Variants in MAF observed in about 807,000 individuals in gnomAD.
The protein encoded by MAF is transcription factor Maf.
In MAF, 10 loss-of-function variants were observed where a neutral mutation model predicts 22.0. The observed-to-expected ratio is 0.45, with a 90% CI of 0.28 to 0.77. MAF has a LOEUF of 0.77. Ranked by LOEUF, MAF falls within the 30% of genes least tolerant of loss-of-function variation. The probability of loss-of-function intolerance (pLI) is 0.12; values close to 1 mark genes in which losing one functional copy is unlikely to be tolerated. For missense variants in MAF, 544 were observed against 548.4 expected (o/e 0.99, Z 0.08); for synonymous variants, 337 against 255.8 (o/e 1.32, Z -3.03).
chr16:79,329,632 C>T, the MAF span, among the ~76,000 whole-genome samples: 5 of 152,078 alleles, frequency 3.3e-5, no homozygotes, highest in African/African-American at 4.8e-5. Context: ...CGGTGTCTTC[C>T]CCCATCTGAA....
chr16:79,273,481 C>G, the MAF span, among the ~76,000 whole-genome samples: 10 of 152,180 alleles, frequency 6.6e-5, no homozygotes, highest in African/African-American at 9.6e-5. Flanking sequence ...TTCTAGAAGT[C>G]AGATGCACAA....
At chr16:79,453,698 A>T in the MAF span, among the ~76,000 whole-genome samples, 2 of 152,228 alleles carry the variant, frequency 1.3e-5, no homozygotes, top group Non-Finnish European at 2.9e-5. Flanking sequence ...TCACAAGTGA[A>T]TTAAGTAGCT....
chr16:79,379,501 GCACA>G, the MAF span, among the ~76,000 whole-genome samples: 5,056 of 149,488 alleles, frequency 0.034, 186 homozygotes, highest in African/African-American at 0.085. Flanking sequence ...TGGTGGAAGT[GCACA>G]CACACACACA....
intron 1 of MAF, 175 bp downstream of exon 1, chr16:79,598,601 TGTGTGTGTG>T: frequency 2.0e-6 from 3 of 1,484,088 alleles, no homozygotes; most frequent in South Asian, 1.3e-5. Context: ...TGTGTGTGTG[TGTGTGTGTG>T]GTGTGTGCGT....
At chr16:79,220,293 G>A in the MAF span, among the ~76,000 whole-genome samples, 1 of 149,644 alleles carries the variant, frequency 6.7e-6, no homozygotes, top group Non-Finnish European at 1.5e-5. Flanking sequence ...TAAAATGCAT[G>A]CCCAGCATTT....
the MAF span, among the ~76,000 whole-genome samples, chr16:79,393,998 T>C: frequency 6.6e-6 from 1 of 152,184 alleles, no homozygotes. Flanking sequence ...CCAAACACTC[T>C]GAAGAAGGTT....
At chr16:79,381,769 G>C in the MAF span, among the ~76,000 whole-genome samples, 1,035 of 152,272 alleles carry the variant, frequency 6.8e-3, 8 homozygotes, top group African/African-American at 0.023. Context: ...ATTTTGCTTT[G>C]ACAAAGACGG....
At chr16:79,433,783 G>A in the MAF span, among the ~76,000 whole-genome samples, 6,422 of 152,080 alleles carry the variant, frequency 0.042, 160 homozygotes, top group Middle Eastern at 0.075. Context: ...TTAGGCTAGC[G>A]GTGTTTTAAA....
chr16:79,542,222 G>A, the MAF span, among the ~76,000 whole-genome samples: 1 of 152,158 alleles, frequency 6.6e-6, no homozygotes, highest in Non-Finnish European at 1.5e-5. Context: ...TTGGAAGGAG[G>A]AGGAAACAGG....
At chr16:79,258,237 C>T in the MAF span, among the ~76,000 whole-genome samples, 1 of 152,172 alleles carries the variant, frequency 6.6e-6, no homozygotes, top group South Asian at 2.1e-4. Context: ...TCACCACAGT[C>T]CGGAAGTGCA....
chr16:79,223,575 C>G, the MAF span, among the ~76,000 whole-genome samples: 5 of 152,106 alleles, frequency 3.3e-5, no homozygotes, highest in Non-Finnish European at 7.4e-5. Context: ...AATCCAGAAA[C>G]TGGTTTTTTT....
intron 1 of MAF, chr16:79,595,975 T>A (rs946706072): frequency 3.8e-6 from 4 of 1,061,398 alleles, no homozygotes; most frequent in Non-Finnish European, 4.6e-6. Context: ...TTATGTTAAA[T>A]CTTGTCAGGC....
chr16:79,276,095 C>T, the MAF span, among the ~76,000 whole-genome samples: 7 of 151,582 alleles, frequency 4.6e-5, no homozygotes, highest in South Asian at 2.1e-4. Context: ...GAGCCGAGAT[C>T]GTGCCACTTC....
chr16:79,234,803 C>A, the MAF span, among the ~76,000 whole-genome samples: 3 of 152,110 alleles, frequency 2.0e-5, no homozygotes, highest in Non-Finnish European at 4.4e-5. Context: ...TGGGTAGGAT[C>A]TGATTCAGCC....
the MAF span, among the ~76,000 whole-genome samples, chr16:79,243,369 A>C: frequency 6.6e-6 from 1 of 152,098 alleles, no homozygotes; most frequent in African/African-American, 2.4e-5. Context: ...TGCAATAAAA[A>C]ATGAAAAAGG....
At chr16:79,354,382 T>C in the MAF span, among the ~76,000 whole-genome samples, 1 of 152,094 alleles carries the variant, frequency 6.6e-6, no homozygotes, top group East Asian at 1.9e-4. Flanking sequence ...GAAACCTAGT[T>C]CCTGGAATGT....
At chr16:79,245,931 A>G in the MAF span, among the ~76,000 whole-genome samples, 1 of 152,102 alleles carries the variant, frequency 6.6e-6, no homozygotes, top group Non-Finnish European at 1.5e-5. Flanking sequence ...GCTGAAAACC[A>G]TCATTCTCAG....
chr16:79,358,275 T>C, the MAF span, among the ~76,000 whole-genome samples: 72,986 of 151,938 alleles, frequency 0.48, 17,690 homozygotes, highest in South Asian at 0.61. Context: ...TGGTCGAGAG[T>C]TCCTCGACCC....
the MAF span, among the ~76,000 whole-genome samples, chr16:79,269,115 C>T: frequency 6.6e-6 from 1 of 152,096 alleles, no homozygotes; most frequent in African/African-American, 2.4e-5. Context: ...CTATGTTGGT[C>T]ATTTGGTCTC....
Sources: gnomAD v4.1 joint callset for allele counts (sites outside exome capture counted in the v4.1 genomes callset) on GRCh38, gnomAD v4.1.1 for gene constraint, MANE v1.5 for transcripts, NCBI Gene and HGNC (gene_info 2026-07-23, HGNC 2026-07-21) for gene names.